Variants in ITPR2 observed in about 807,000 individuals in gnomAD.
ITPR2 encodes inositol 1,4,5-trisphosphate-gated calcium channel ITPR2.
A neutral mutation model predicts 317.1 loss-of-function variants in ITPR2; 207 were observed. The observed-to-expected ratio is 0.65, with a 90% CI of 0.58 to 0.73. The LOEUF (loss-of-function observed/expected upper bound fraction) is 0.73, where lower values mean the gene tolerates loss of function less well. ITPR2 is among the 30% of genes least tolerant of loss of function. The pLI, the probability that ITPR2 is intolerant of heterozygous loss-of-function variation, is 0.00. For synonymous variants in ITPR2, 1,156 were observed against 1,149.1 expected (o/e 1.01, Z -0.12); for missense variants, 2,613 against 3,284.0 (o/e 0.80, Z 4.99).
At chr12:26,577,334 T>C (rs1945298973) in intron 34 of ITPR2, among the ~76,000 whole-genome samples, 1 of 152,228 alleles carries the variant, frequency 6.6e-6, no homozygotes, top group Non-Finnish European at 1.5e-5. Flanking sequence ...GGAGGGTATG[T>C]GCAAAGAATG....
At chr12:26,544,158 T>C (rs78905937) in intron 37 of ITPR2, among the ~76,000 whole-genome samples, 2,453 of 152,264 alleles carry the variant, frequency 0.016, 59 homozygotes, top group African/African-American at 0.055. Flanking sequence ...ATTTCACATA[T>C]AGGCACACTT....
At chr12:26,551,456 G>A (rs546580621) in intron 36 of ITPR2, among the ~76,000 whole-genome samples, 9 of 152,134 alleles carry the variant, frequency 5.9e-5, no homozygotes, top group East Asian at 5.8e-4. Context: ...ACCTCAGAGC[G>A]AAAATTCTTA....
chr12:26,737,053 G>A (rs764079826), intron 2 of ITPR2, among the ~76,000 whole-genome samples: 17 of 152,044 alleles, frequency 1.1e-4, no homozygotes, highest in Admixed American at 2.6e-4. Flanking sequence ...ATTGATCCAG[G>A]ATCAAAGAAA....
At chr12:26,628,317 A>G (rs1946670869) in intron 22 of ITPR2, among the ~76,000 whole-genome samples, 155 bp from the exon 23 acceptor site, 1 of 152,256 alleles carries the variant, frequency 6.6e-6, no homozygotes, top group Non-Finnish European at 1.5e-5. Context: ...GTCAGCAATG[A>G]CTAAGCAAGG....
chr12:26,614,299 C>A (rs960369050), intron 26 of ITPR2, among the ~76,000 whole-genome samples: 1 of 151,888 alleles, frequency 6.6e-6, no homozygotes, highest in African/African-American at 2.4e-5. Flanking sequence ...ATCTGCAACC[C>A]AAAGACTAAG....
chr12:26,649,798 TAGATAGATAGATAGATAGATAGATAGAC>T (rs1365338434), intron 21 of ITPR2, among the ~76,000 whole-genome samples: 4 of 149,584 alleles, frequency 2.7e-5, no homozygotes, highest in African/African-American at 1.0e-4. Flanking sequence ...GATAGATAGA[TAGATAGATAGATAGATAGATAGATAGAC>T]AGACAGACAG....
chr12:26,348,950 C>A (rs1232813034), intron 55 of ITPR2, among the ~76,000 whole-genome samples: 1 of 152,154 alleles, frequency 6.6e-6, no homozygotes, highest in African/African-American at 2.4e-5. Context: ...CACCTATAGT[C>A]CATCTTGGTC....
intron 22 of ITPR2, among the ~76,000 whole-genome samples, chr12:26,630,316 G>C (rs1207553538): frequency 1.3e-5 from 2 of 151,540 alleles, no homozygotes; most frequent in East Asian, 1.9e-4. Flanking sequence ...AAAGTAGAAA[G>C]AAAGGAGGAA....
At chr12:26,434,645 G>A (rs10771283) in intron 48 of ITPR2, among the ~76,000 whole-genome samples, 111,436 of 152,008 alleles carry the variant, frequency 0.73, 41,294 homozygotes, top group Non-Finnish European at 0.8. Flanking sequence ...CCACGGAGAA[G>A]GGTCCTAGAT....
intron 55 of ITPR2, among the ~76,000 whole-genome samples, chr12:26,364,802 G>A (rs541463980): frequency 2.0e-5 from 3 of 152,158 alleles, no homozygotes; most frequent in East Asian, 1.9e-4. Flanking sequence ...TTTTGACTCC[G>A]GTTAGTGTGT....
chr12:26,398,162 C>T (rs557872736), intron 54 of ITPR2, among the ~76,000 whole-genome samples: 2 of 151,964 alleles, frequency 1.3e-5, no homozygotes, highest in African/African-American at 4.8e-5. Context: ...GTGGCTTACA[C>T]CTGCAATCCC....
intron 2 of ITPR2, among the ~76,000 whole-genome samples, chr12:26,732,543 C>A (rs1163543334): frequency 6.6e-6 from 1 of 152,166 alleles, no homozygotes; most frequent in Non-Finnish European, 1.5e-5. Context: ...AACAGCACTA[C>A]ACATTGATAA....
At chr12:26,703,662 C>T (rs538015719) in intron 9 of ITPR2, among the ~76,000 whole-genome samples, 2 of 152,286 alleles carry the variant, frequency 1.3e-5, no homozygotes, top group South Asian at 2.1e-4. Context: ...TTCATTATAT[C>T]GGTTTTTTGA....
chr12:26,381,241 C>G (rs989224462), intron 55 of ITPR2, among the ~76,000 whole-genome samples: 6 of 152,226 alleles, frequency 3.9e-5, no homozygotes, highest in East Asian at 1.9e-4. Flanking sequence ...AAAGAAGGGA[C>G]AGATAGCATT....
intron 43 of ITPR2, among the ~76,000 whole-genome samples, chr12:26,479,954 T>C (rs1241922847): frequency 2.0e-5 from 3 of 152,158 alleles, no homozygotes; most frequent in Non-Finnish European, 4.4e-5. Context: ...CTAAGAGCCT[T>C]TAGCACAATC....
chr12:26,618,667 A>G (rs7309264), intron 26 of ITPR2, among the ~76,000 whole-genome samples: 74,795 of 152,000 alleles, frequency 0.49, 18,667 homozygotes, highest in Middle Eastern at 0.58. Flanking sequence ...AAAATCTCCC[A>G]AACATGTGCA....
intron 13 of ITPR2, among the ~76,000 whole-genome samples, chr12:26,670,312 A>C (rs1301238652): frequency 6.6e-6 from 1 of 152,206 alleles, no homozygotes; most frequent in Non-Finnish European, 1.5e-5. Flanking sequence ...GTAGGGGCAG[A>C]CTGACACTTC....
chr12:26,628,502 G>A (rs1946674773), intron 22 of ITPR2, among the ~76,000 whole-genome samples: 1 of 152,194 alleles, frequency 6.6e-6, no homozygotes, highest in African/African-American at 2.4e-5. Flanking sequence ...CATTGTCTCT[G>A]GGAGGAGACT....
At chr12:26,651,895 C>T (rs976958876) in intron 21 of ITPR2, among the ~76,000 whole-genome samples, 4 of 152,090 alleles carry the variant, frequency 2.6e-5, no homozygotes, top group Non-Finnish European at 5.9e-5. Flanking sequence ...TCTAGATCTC[C>T]CCATCTTGCC....
Sources: allele counts gnomAD v4.1 joint callset (sites outside exome capture counted in the v4.1 genomes callset), GRCh38; gene constraint gnomAD v4.1.1; transcripts MANE v1.5; gene names NCBI Gene and HGNC (gene_info 2026-07-23, HGNC 2026-07-21).